SIN3B: variants seen among roughly 807,000 people sequenced by gnomAD.
SIN3B encodes paired amphipathic helix protein Sin3b.
In SIN3B, 19 loss-of-function variants were observed where a neutral mutation model predicts 120.2. The ratio of observed to expected loss-of-function variants is 0.16; its 90% CI spans 0.11 to 0.23. SIN3B has a LOEUF of 0.23. SIN3B is among the 10% of genes least tolerant of loss of function. The pLI, the probability that SIN3B is intolerant of heterozygous loss-of-function variation, is 1.00. For missense variants in SIN3B, 1,073 were observed against 1,573.0 expected, an observed-to-expected ratio of 0.68 and a Z score of 5.38; for synonymous variants, 654 against 653.2, an observed-to-expected ratio of 1.00 and a Z score of -0.02.
intron 3 of SIN3B, among the ~76,000 whole-genome samples, chr19:16,839,630 T>G: frequency 6.6e-6 from 1 of 152,114 alleles, no homozygotes; most frequent in East Asian, 1.9e-4. Context: ...TCCGACCCCT[T>G]CTGCCATCAA....
intron 12 of SIN3B, among the ~76,000 whole-genome samples, chr19:16,869,020 G>A (rs1196892499): frequency 2.6e-5 from 4 of 152,106 alleles, no homozygotes; most frequent in African/African-American, 7.2e-5. Context: ...GGGCAGCCCC[G>A]GTCGAGCTGG....
At chr19:16,878,080 A>G in intron 17 of SIN3B, 103 bp from the exon 18 acceptor site, 1 of 938,844 alleles carries the variant, frequency 1.1e-6, no homozygotes, top group Non-Finnish European at 1.6e-6. Flanking sequence ...CCTGGGAGGT[A>G]GCACATCTTC....
At chr19:16,864,049 T>G (rs1267220541) in intron 10 of SIN3B, among the ~76,000 whole-genome samples, 3 of 152,220 alleles carry the variant, frequency 2.0e-5, no homozygotes, top group South Asian at 4.1e-4. Context: ...ATCCCAACAC[T>G]TTGGGAGGCC....
In SIN3B at chr19:16,847,125, G is replaced by C; in HGVS notation, c.726+12G>C. 6.2e-7 allele frequency: 1 copy of C among 1,604,534 alleles called. No individual in the cohort carries two copies. ...CCAAGCGGTCTCTGGTGAGTGCCGA[G>C]AGCCCCTGCCCAGCCTCGGGGGCCT... On this transcript the variant is annotated intron_variant, in intron 5 of 18. Coordinates refer to ENST00000248054, the MANE Select transcript of SIN3B (RefSeq NM_001297595.2).
In SIN3B at chr19:16,865,404, C is replaced by A; in HGVS notation, c.1384-6C>A. The A allele has an allele frequency of 6.4e-7, 1 of 1,573,486 alleles. No homozygotes were observed. The highest frequency in any genetic ancestry group is 8.7e-7 in the Non-Finnish European group (1 of 1,149,398). On this transcript the variant is annotated splice_region_variant and splice_polypyrimidine_tract_variant and intron_variant, in intron 10 of 18. Transcript: ENST00000248054. ...GGCTGACCCCGTCCTGCCTTCCTTT[C>A]CATAGTTAGACGTTGTCCTGGAGAC...
chr19:16,855,837 C>T (rs897222599), intron 8 of SIN3B: 1 of 152,150 alleles, frequency 6.6e-6, no homozygotes. Context: ...GGGTGGATCA[C>T]TTGATGTCAG....
chr19:16,842,103 T>G, intron 4 of SIN3B, 135 bp downstream of exon 4: 1 of 850,292 alleles, frequency 1.2e-6, no homozygotes. Context: ...TTTTGTTTGT[T>G]TTTTCTTAGA....
chr19:16,846,321 C>T (rs1971478177), intron 4 of SIN3B: 1 of 152,192 alleles, frequency 6.6e-6, no homozygotes, highest in African/African-American at 2.4e-5. Context: ...CAGGAGGCGC[C>T]AGCACAGGGA....
chr19:16,854,441 G>T, intron 8 of SIN3B, 180 bp downstream of exon 8: 1 of 558,924 alleles, frequency 1.8e-6, no homozygotes, highest in South Asian at 2.2e-5. Flanking sequence ...TACACCACCT[G>T]GGTACCCTCC....
intron 3 of SIN3B, among the ~76,000 whole-genome samples, chr19:16,832,520 A>T (rs1465262811): frequency 2.8e-5 from 4 of 142,496 alleles, no homozygotes; most frequent in African/African-American, 1.1e-4. Context: ...TTTTTTTTTA[A>T]GACAGGTTCT....
Position 16,878,638 on chromosome 19 carries a change from T to C in SIN3B, c.3304T>C (p.Cys1102Arg). The change falls in exon 19 of 19, where the codon TGC becomes CGC. Residue 1102 changes from cysteine to arginine, a missense_variant. Around this residue, in one of 7 missense-constraint regions of SIN3B, gnomAD observed 311 missense variants for 400.3 expected, o/e 0.78. Coordinates refer to ENST00000248054, the MANE Select transcript of SIN3B (RefSeq NM_001297595.2). ...MGEEDEDMVP[C>R]KTLCETVHVH... is the part of the protein sequence containing the mutation. ...TGAGGAGGACGAGGACATGGTACCC[T>C]GCAAGACGCTGTGTGAGACAGTGCA... 1 of 1,613,488 alleles carries C rather than the reference T, an allele frequency of 6.2e-7. No individual in the cohort carries two copies. Among genetic ancestry groups the C allele is most frequent in the Non-Finnish European group, 8.5e-7 (1 of 1,179,794 alleles).
intron 12 of SIN3B, among the ~76,000 whole-genome samples, chr19:16,866,984 T>C: frequency 6.6e-6 from 1 of 152,198 alleles, no homozygotes. Context: ...CTTGAACTCC[T>C]GACCTCGTGA....
At position 16,865,415 on chromosome 19, in the gene SIN3B, C is replaced by G; in HGVS notation, c.1389C>G (p.Asp463Glu). 1 of 1,593,080 alleles carries G rather than the reference C, an allele frequency of 6.3e-7. No homozygotes were observed. The highest frequency in any genetic ancestry group is 8.6e-7 in the Non-Finnish European group (1 of 1,163,468). ...HRCEDERFEL[D>E]VVLETNLATI... Reference sequence around the variant, plus strand: ...TCCTGCCTTCCTTTCCATAGTTAGACGTTGTCCTGGAGACGAACCTGGCCA... The same window carrying G: ...TCCTGCCTTCCTTTCCATAGTTAGAGGTTGTCCTGGAGACGAACCTGGCCA... The change falls in exon 11 of 19, where the codon GAC becomes GAG. Residue 463 changes from aspartate (D) to glutamate (E), a missense_variant. Physicochemically the swap from Asp to Glu is conservative, Grantham distance 45. Around this residue, in one of 7 missense-constraint regions of SIN3B, gnomAD observed 118 missense variants for 281.6 expected, o/e 0.42. Transcript: ENST00000248054.
At chr19:16,834,825 C>A (rs1471612324) in intron 3 of SIN3B, among the ~76,000 whole-genome samples, 1 of 152,136 alleles carries the variant, frequency 6.6e-6, no homozygotes, top group African/African-American at 2.4e-5. Flanking sequence ...GAGCTTTCGG[C>A]TCCCTGGAGT....
At position 16,878,245 on chromosome 19, in the gene SIN3B, C is replaced by T. The variant is rs762666436; in HGVS notation, c.3017C>T (p.Ala1006Val). Residue 1006 changes from alanine (A) to valine (V), a missense_variant, in exon 18 of 19, where the codon GCC becomes GTC. Ala to Val is a moderately conservative substitution (Grantham distance 64, BLOSUM62 0). Coordinates refer to ENST00000248054, the MANE Select transcript of SIN3B (RefSeq NM_001297595.2). ...SEQARALRGE[A>V]RSSWKRLVGV... ...CAGGCGCGGGCCCTGCGCGGTGAGG[C>T]CAGGAGCTCCTGGAAGCGGCTGGTG... 58 of 1,599,978 alleles carry T rather than the reference C, an allele frequency of 3.6e-5. No individual in the cohort carries two copies. Among genetic ancestry groups the T allele is most frequent in the Non-Finnish European group, 4.9e-5 (57 of 1,173,606 alleles).
rs1228539116 is a variant in SIN3B, at chr19:16,845,878, T to C, written c.583-1092T>C. Reference sequence around the variant, plus strand: ...CTAGGACCACAGGAGTGTGTCACCATGCCTACATAATGTTTAAAACAAATT... The same window carrying C: ...CTAGGACCACAGGAGTGTGTCACCACGCCTACATAATGTTTAAAACAAATT... On this transcript the variant is annotated intron_variant, in intron 4 of 18. Transcript: ENST00000248054. Among the ~76,000 whole-genome samples the C allele has an allele frequency of 2.0e-5, 3 of 152,236 alleles. No individual in the cohort carries two copies. The East Asian group carries it at 5.8e-4, about 29-fold the overall frequency.
At position 16,866,543 on chromosome 19, in the gene SIN3B, G is replaced by A. The variant is rs765828024; in HGVS notation, c.1793G>A (p.Ser598Asn). The change falls in exon 12 of 19, where the codon AGC becomes AAC. Residue 598 changes from serine to asparagine, a missense_variant. Transcript: ENST00000248054. Reference protein sequence around the residue: ...RSKSLLNEIESVYDEHQEQHS... With the variant: ...RSKSLLNEIENVYDEHQEQHS... ...AAGAGCTTGCTCAACGAGATCGAGA[G>A]CGTCTACGACGAGGTAAAGCCTTCC... 38 of 1,613,692 alleles carry A rather than the reference G, an allele frequency of 2.4e-5. No homozygotes were observed. Among genetic ancestry groups the A allele is most frequent in the Non-Finnish European group, 3.1e-5 (37 of 1,179,988 alleles).
intron 5 of SIN3B, 51 bp from the exon 6 acceptor site, chr19:16,851,361 A>G (rs201920304): frequency 4.6e-4 from 697 of 1,512,292 alleles, no homozygotes; most frequent in Non-Finnish European, 5.7e-4. Context: ...GCTCAGGTGC[A>G]TGGGTCCAGC....
In SIN3B at chr19:16,862,247, ACT is replaced by A. The variant is rs1350832570; in HGVS notation, c.1059-102_1059-101del. 10 of 855,102 alleles carry A rather than the reference ACT, an allele frequency of 1.2e-5. No homozygotes were observed. In the East Asian group the frequency reaches 2.5e-4, roughly 21 times the overall value. 53.0% of individuals were successfully genotyped at this position (855,102 alleles called of 1,614,324 possible). A position where few individuals can be genotyped will look rare whatever the true frequency, so the allele number is the denominator to read the frequency against. ...TTCGCATCCATGATGTTGAATTCTGACTCTGTTTAACTTGTAATGTCCACATG... is the reference window on the plus strand; with the variant it reads ...TTCGCATCCATGATGTTGAATTCTGACTGTTTAACTTGTAATGTCCACATG... On this transcript the variant is annotated intron_variant, in intron 8 of 18. Transcript: ENST00000248054. The surrounding 1 kb of genome is among the most constrained non-coding windows in gnomAD (Gnocchi z 4.7).
Sources: allele counts gnomAD v4.1 joint callset (sites outside exome capture counted in the v4.1 genomes callset), GRCh38; gene constraint gnomAD v4.1.1; regional missense constraint gnomAD v4.1.1; non-coding constraint Gnocchi (gnomAD v3.1); transcripts MANE v1.5; gene names NCBI Gene and HGNC (gene_info 2026-07-23, HGNC 2026-07-21).